PSME4: variants seen among roughly 807,000 people sequenced by gnomAD.
The protein encoded by PSME4 is proteasome activator complex subunit 4.
In PSME4, 89 loss-of-function variants were observed where a neutral mutation model predicts 253.9. The ratio of observed to expected loss-of-function variants is 0.35; its 90% CI spans 0.30 to 0.42. PSME4 has a LOEUF of 0.42. Among genes scored for constraint, PSME4 ranks in the 10% least tolerant of loss-of-function variants. PSME4 has a pLI of 1.00. For missense variants in PSME4, 2,014 were observed against 2,195.2 expected, an observed-to-expected ratio of 0.92 and a Z score of 1.65; for synonymous variants, 851 against 759.2, an observed-to-expected ratio of 1.12 and a Z score of -1.99.
At chr2:53,926,777 A>C (rs931835886) in intron 12 of PSME4, among the ~76,000 whole-genome samples, 2 of 151,994 alleles carry the variant, frequency 1.3e-5, no homozygotes, top group Non-Finnish European at 2.9e-5. Flanking sequence ...GTTCGAGACC[A>C]GCCTGGCCAA....
At position 53,915,439 on chromosome 2, in the gene PSME4, C is replaced by CA. The variant is rs1380579622; in HGVS notation, c.2516+3711dup. Among the ~76,000 whole-genome samples, 630 of 142,420 alleles carry CA rather than the reference C, an allele frequency of 4.4e-3. 7 individuals are homozygous for CA. The highest frequency in any genetic ancestry group is 0.028 in the Middle Eastern group (8 of 282). The allele number at this position is 142,420 out of a possible 152,430, so 93.4% of individuals were successfully genotyped here. A position where few individuals can be genotyped will look rare whatever the true frequency, so the allele number is the denominator to read the frequency against. Reference sequence around the variant, plus strand: ...TGGACAACAGAGCAAGACTCTATCTCAAAAAAAAAAAGGCTGGTGTGGTGG... The same window carrying CA: ...TGGACAACAGAGCAAGACTCTATCTCAAAAAAAAAAAAGGCTGGTGTGGTGG... On this transcript the variant is annotated intron_variant, in intron 20 of 46. Coordinates refer to ENST00000404125, the MANE Select transcript of PSME4 (RefSeq NM_014614.3).
In PSME4 at chr2:53,882,861, G is replaced by A. The variant is rs150983844; in HGVS notation, c.4815+2829C>T. On this transcript the variant is annotated intron_variant, in intron 41 of 46. Coordinates refer to ENST00000404125, the MANE Select transcript of PSME4 (RefSeq NM_014614.3). ...GCAGAGCTACTGGCCTGACTCTACT[G>A]ACAAACAACTGTGTAGGAAAATAAC... is the stretch of plus-strand genomic sequence containing the variant. Among the ~76,000 whole-genome samples the A allele has an allele frequency of 6.8e-3, 1,004 of 148,598 alleles. 9 individuals are homozygous for A. Among genetic ancestry groups the A allele is most frequent in the African/African-American group, 0.023 (930 of 40,370 alleles).
chr2:53,949,108 C>T (rs375330153), intron 2 of PSME4, 35 bp downstream of exon 2: 14 of 1,527,626 alleles, frequency 9.2e-6, no homozygotes, highest in African/African-American at 2.8e-5. Context: ...AAGAAACAAA[C>T]AAACCTTAAC....
chr2:53,887,925 T>C lies in PSME4; in HGVS notation c.4453A>G (p.Arg1485Gly). 6.2e-7 allele frequency: 1 copy of C among 1,607,886 alleles called. No individual in the cohort carries two copies. The highest frequency in any genetic ancestry group is 1.1e-5 in the South Asian group (1 of 90,902). ...TTGGGTTCCAAGTACTTCAGTAGTC[T>C]GTGCAATAGTTCAGGCACTCTCCAT... ...QEWRVPELLH[R>G]LLKYLEPKLT... The change falls in exon 39 of 47, where the codon AGA (arginine) becomes GGA (glycine). Residue 1485 changes from arginine to glycine, a missense_variant. Arg to Gly is a moderately radical substitution (Grantham distance 125). Coordinates refer to ENST00000404125, the MANE Select transcript of PSME4 (RefSeq NM_014614.3).
intron 5 of PSME4, 123 bp from the exon 6 acceptor site, chr2:53,936,950 T>C (rs978744110): frequency 3.1e-6 from 2 of 638,340 alleles, no homozygotes; most frequent in Admixed American, 5.8e-5. Context: ...GAAAAAACAA[T>C]ACTGAAGTTA....
chr2:53,922,236 G>C (rs1007731019), intron 17 of PSME4, among the ~76,000 whole-genome samples: 2 of 151,978 alleles, frequency 1.3e-5, no homozygotes, highest in Admixed American at 6.5e-5. Context: ...TTAAAGTGTA[G>C]ACCAAAAAAA....
chr2:53,898,542 G>C (rs912314850), intron 29 of PSME4, among the ~76,000 whole-genome samples, 188 bp from the exon 30 acceptor site: 1 of 151,588 alleles, frequency 6.6e-6, no homozygotes, highest in Non-Finnish European at 1.5e-5. Flanking sequence ...GCTGGGAAAA[G>C]CTCATGAAAG....
chr2:53,872,802 T>C (rs891108093), intron 43 of PSME4, among the ~76,000 whole-genome samples: 3 of 134,534 alleles, frequency 2.2e-5, no homozygotes, highest in African/African-American at 8.3e-5. Context: ...AAGAAGCTCC[T>C]AAATGCAAGC....
Position 53,920,327 on chromosome 2 carries a change from C to G in PSME4, c.2286G>C (p.Leu762Phe). The G allele has an allele frequency of 6.2e-7, 1 of 1,613,324 alleles. No homozygotes were observed. The part of the protein sequence containing the change: ...PIKDWGKPGD[L>F]WNLGIQWHVP... ...CATGCCACTGGATTCCCAGATTCCA[C>G]AAGTCCCCGGGTTTGCCCCAGTCCT... Residue 762 changes from leucine (L) to phenylalanine (F), a missense_variant, in exon 19 of 47, where the codon TTG becomes TTC. Physicochemically the swap from Leu to Phe is conservative, Grantham distance 22. This residue lies in a region of PSME4 where 989 missense variants were observed against 1,021.1 expected (regional missense o/e 0.97). Transcript: ENST00000404125.
At chr2:53,909,259 A>C (rs946736676) in intron 21 of PSME4, among the ~76,000 whole-genome samples, 2 of 152,198 alleles carry the variant, frequency 1.3e-5, no homozygotes, top group African/African-American at 4.8e-5. Context: ...ACAGCCTAGC[A>C]ATTAATGTAT....
At chr2:53,929,567 C>G (rs966496043) in intron 10 of PSME4, among the ~76,000 whole-genome samples, 1 of 151,620 alleles carries the variant, frequency 6.6e-6, no homozygotes, top group Non-Finnish European at 1.5e-5. Flanking sequence ...AGTCCTGGGA[C>G]TACAGGCATA....
At chr2:53,951,023 T>C (rs1264011956) in intron 1 of PSME4, among the ~76,000 whole-genome samples, 1 of 152,248 alleles carries the variant, frequency 6.6e-6, no homozygotes, top group Non-Finnish European at 1.5e-5. Context: ...AGCATTAGTA[T>C]TCCTCGTAAG....
rs931983036 is a variant in PSME4 at position 53,906,483 on chromosome 2, G to T, written c.2943+115C>A. Reference sequence around the variant, plus strand: ...AAATTACAATTTCCAATAATTGAGAGAATAATTCCAATTATGGGTGAAATT... The same window carrying T: ...AAATTACAATTTCCAATAATTGAGATAATAATTCCAATTATGGGTGAAATT... On this transcript the variant is annotated intron_variant, in intron 26 of 46. Transcript: ENST00000404125. The T allele has an allele frequency of 1.1e-5, 15 of 1,364,168 alleles. No individual in the cohort carries two copies. The African/African-American group carries it at 2.2e-4, about 20-fold the overall frequency. 84.5% of individuals were successfully genotyped at this position (1,364,168 alleles called of 1,614,324 possible).
Position 53,887,244 on chromosome 2 carries a change from A to C in PSME4, c.4729+15T>G, listed in dbSNP as rs1379443002. The C allele has an allele frequency of 6.3e-7, 1 of 1,595,744 alleles. No homozygotes were observed. Among genetic ancestry groups the C allele is most frequent in the Non-Finnish European group, 8.6e-7 (1 of 1,163,778 alleles). On this transcript the variant is annotated intron_variant, in intron 40 of 46. Coordinates refer to ENST00000404125, the MANE Select transcript of PSME4 (RefSeq NM_014614.3). ...GATGTTTTCAACTGAGTTTCTACTA[A>C]TTTTATCCACTCACTGGTTTTCAAG...
intron 3 of PSME4, chr2:53,942,088 C>G (rs921103023): frequency 4.6e-5 from 7 of 152,486 alleles, no homozygotes; most frequent in African/African-American, 1.7e-4. Context: ...AATTTCAACC[C>G]CTTCTTAAAT....
intron 3 of PSME4, among the ~76,000 whole-genome samples, chr2:53,941,610 C>T (rs1436901649): frequency 1.3e-5 from 2 of 151,914 alleles, no homozygotes; most frequent in Non-Finnish European, 2.9e-5. Context: ...ATCAGAGTAA[C>T]AAAAAGCACA....
At position 53,934,549 on chromosome 2, in the gene PSME4, A is replaced by G. The variant is rs985477478; in HGVS notation, c.957+56T>C. ...TTCTGCGACTATCCACAATTTTTGT[A>G]AGGTTAACACAAAATAGGCGTAAAC... On this transcript the variant is annotated intron_variant, in intron 8 of 46. Coordinates refer to ENST00000404125, the MANE Select transcript of PSME4 (RefSeq NM_014614.3). 20 of 1,532,430 alleles carry G rather than the reference A, an allele frequency of 1.3e-5. No individual in the cohort carries two copies. The African/African-American group carries it at 2.8e-4, about 21-fold the overall frequency. 94.9% of individuals were successfully genotyped at this position (1,532,430 alleles called of 1,614,324 possible). A position where few individuals can be genotyped will look rare whatever the true frequency, so the allele number is the denominator to read the frequency against.
chr2:53,936,060 A>T, intron 7 of PSME4, 27 bp downstream of exon 7: 12 of 1,606,442 alleles, frequency 7.5e-6, no homozygotes, highest in Non-Finnish European at 1.0e-5. Flanking sequence ...CATGCCTGAT[A>T]ATTTTTTTCC....
intron 27 of PSME4, among the ~76,000 whole-genome samples, chr2:53,903,454 T>C (rs1680504678): frequency 6.6e-6 from 1 of 152,194 alleles, no homozygotes; most frequent in Non-Finnish European, 1.5e-5. Context: ...TAAGCAATCA[T>C]TATATATTAC....
Sources: gnomAD v4.1 joint callset for allele counts (sites outside exome capture counted in the v4.1 genomes callset) on GRCh38, gnomAD v4.1.1 for gene constraint, gnomAD v4.1.1 regional missense constraint, MANE v1.5 for transcripts, NCBI Gene and HGNC (gene_info 2026-07-23, HGNC 2026-07-21) for gene names.